STK32B: variants seen among roughly 807,000 people sequenced by gnomAD.
STK32B encodes the protein serine/threonine kinase 32B, also known as serine/threonine-protein kinase 32B.
STK32B carries 43 observed loss-of-function variants against 52.6 expected under a neutral mutation model. The ratio of observed to expected loss-of-function variants is 0.82; its 90% CI spans 0.64 to 1.05. The LOEUF is 1.05. STK32B is among the 50% of genes least tolerant of loss of function. The pLI, the probability that STK32B is intolerant of heterozygous loss-of-function variation, is 0.00. For missense variants in STK32B, 621 were observed against 534.6 expected (o/e 1.16, Z -1.59); for synonymous variants, 238 against 204.3 (o/e 1.17, Z -1.41).
chr4:5,029,776 G>A, the STK32B span, among the ~76,000 whole-genome samples: 1 of 152,154 alleles, frequency 6.6e-6, no homozygotes, highest in African/African-American at 2.4e-5. Flanking sequence ...CCTTCAAGTT[G>A]GTGGTCATTT....
chr4:5,420,103 G>T (rs529036014), intron 6 of STK32B, among the ~76,000 whole-genome samples: 1 of 152,244 alleles, frequency 6.6e-6, no homozygotes, highest in South Asian at 2.1e-4. Flanking sequence ...GGAAATGGAG[G>T]CTTAGGAGGT....
intron 4 of STK32B, among the ~76,000 whole-genome samples, chr4:5,390,678 G>C (rs1475182237): frequency 1.3e-5 from 2 of 152,086 alleles, no homozygotes; most frequent in African/African-American, 4.8e-5. Flanking sequence ...AAAGCAGGGA[G>C]GTGCACGGGG....
intron 6 of STK32B, chr4:5,437,842 G>C: frequency 2.2e-6 from 2 of 897,758 alleles, no homozygotes; most frequent in Non-Finnish European, 2.7e-6. Context: ...GTTCTCTCAC[G>C]TCTAAGTGCT....
At position 5,378,314 on chromosome 4, in the gene STK32B, G is replaced by A. The variant is rs576747894; in HGVS notation, c.435-19893G>A. Among the ~76,000 whole-genome samples the A allele has an allele frequency of 2.3e-4, 35 of 152,168 alleles. No homozygotes were observed. The highest frequency in any genetic ancestry group is 1.2e-4 in the Non-Finnish European group (8 of 68,032). ...CCATGGTAACGGTTTTCACACTTGAGGCTGCAGATCCATCACTTGGATCTG... is the reference window on the plus strand; with the variant it reads ...CCATGGTAACGGTTTTCACACTTGAAGCTGCAGATCCATCACTTGGATCTG... On this transcript the variant is annotated intron_variant, in intron 4 of 11. Transcript: ENST00000282908. This position sits in a 1 kb window ranked among gnomAD's most constrained non-coding sequence, Gnocchi z 4.4.
At chr4:5,178,209 C>A (rs1256382521) in intron 3 of STK32B, among the ~76,000 whole-genome samples, 4 of 152,220 alleles carry the variant, frequency 2.6e-5, no homozygotes, top group Non-Finnish European at 4.4e-5. Flanking sequence ...AACCTCAGTT[C>A]TTGATTTCTA....
At chr4:5,102,145 T>C (rs1318252393) in intron 1 of STK32B, among the ~76,000 whole-genome samples, 2 of 152,232 alleles carry the variant, frequency 1.3e-5, no homozygotes, top group African/African-American at 4.8e-5. Flanking sequence ...CATAGCCCTC[T>C]GACCTCGGGC....
At chr4:5,198,670 C>A (rs1721890019) in intron 3 of STK32B, among the ~76,000 whole-genome samples, 1 of 152,144 alleles carries the variant, frequency 6.6e-6, no homozygotes, top group African/African-American at 2.4e-5. Flanking sequence ...GTGGTGATGC[C>A]ACACTCCCTC....
intron 3 of STK32B, among the ~76,000 whole-genome samples, chr4:5,278,586 C>T (rs980789750): frequency 3.3e-5 from 5 of 152,198 alleles, no homozygotes; most frequent in African/African-American, 7.2e-5. Context: ...AAGAAATTCA[C>T]TTGCGAATTT....
At chr4:5,278,264 C>T (rs1727964957) in intron 3 of STK32B, among the ~76,000 whole-genome samples, 1 of 152,142 alleles carries the variant, frequency 6.6e-6, no homozygotes, top group Non-Finnish European at 1.5e-5. Flanking sequence ...ACTCTTCATG[C>T]ACCAGGAAGG....
chr4:5,274,145 A>T (rs1339143224), intron 3 of STK32B, among the ~76,000 whole-genome samples: 1 of 152,198 alleles, frequency 6.6e-6, no homozygotes, highest in East Asian at 1.9e-4. Context: ...TTTCAAAAAT[A>T]TATGTGGAAA....
intron 4 of STK32B, among the ~76,000 whole-genome samples, chr4:5,359,875 G>A (rs1734433401): frequency 6.6e-6 from 1 of 152,116 alleles, no homozygotes; most frequent in African/African-American, 2.4e-5. Context: ...GAGGTAATAG[G>A]GACTTATCAG....
intron 4 of STK32B, among the ~76,000 whole-genome samples, chr4:5,357,373 C>T (rs1734256823): frequency 1.3e-5 from 2 of 151,900 alleles, no homozygotes; most frequent in Non-Finnish European, 2.9e-5. Context: ...CCATGGGGCT[C>T]ACAGTTGGCC....
chr4:5,254,800 GT>G (rs1280465217), intron 3 of STK32B, among the ~76,000 whole-genome samples: 5 of 151,974 alleles, frequency 3.3e-5, no homozygotes, highest in Non-Finnish European at 5.9e-5. Flanking sequence ...CTTTGACACA[GT>G]TTTTTAGGTT....
At chr4:5,127,885 T>C (rs139178455) in intron 1 of STK32B, among the ~76,000 whole-genome samples, 24 of 151,878 alleles carry the variant, frequency 1.6e-4, no homozygotes, top group Admixed American at 1.5e-3. Flanking sequence ...AGTAAATAAG[T>C]CTCACGAGAT....
chr4:5,184,695 A>AG (rs1553846540), intron 3 of STK32B, among the ~76,000 whole-genome samples: 17 of 137,560 alleles, frequency 1.2e-4, no homozygotes, highest in Non-Finnish European at 3.1e-5. Flanking sequence ...AAAAAAAAAA[A>AG]AAGAAGAAGA....
intron 11 of STK32B, among the ~76,000 whole-genome samples, chr4:5,497,881 G>A (rs1230323645): frequency 1.3e-5 from 2 of 152,088 alleles, no homozygotes; most frequent in South Asian, 2.1e-4. Flanking sequence ...AACCTGCTCT[G>A]CACTCTGTTG....
intron 6 of STK32B, chr4:5,426,772 T>C (rs1713146227): frequency 6.7e-6 from 1 of 148,526 alleles, no homozygotes; most frequent in Non-Finnish European, 1.5e-5. Flanking sequence ...TTTTAAAATA[T>C]ATCCTGGATA....
At chr4:5,392,213 T>A (rs1736632507) in intron 4 of STK32B, among the ~76,000 whole-genome samples, 1 of 152,158 alleles carries the variant, frequency 6.6e-6, no homozygotes, top group Non-Finnish European at 1.5e-5. Flanking sequence ...GGCGGGTGGA[T>A]CACTTGAGGT....
In STK32B at chr4:5,172,163, C is replaced by G. The variant is rs371731739; in HGVS notation, c.260+3713C>G. On this transcript the variant is annotated intron_variant, in intron 3 of 11. Coordinates refer to ENST00000282908, the MANE Select transcript of STK32B (RefSeq NM_018401.3). ...TGATTTTTGTACATTGATTTTGTAT[C>G]CTGAGACTTTGCTGAAGTTGCTTAT... Among the ~76,000 whole-genome samples the G allele has an allele frequency of 2.2e-3, 331 of 152,124 alleles. 7 individuals carry two copies. In the East Asian group the frequency reaches 0.053, roughly 24 times the overall value.
Sources: allele counts gnomAD v4.1 joint callset (sites outside exome capture counted in the v4.1 genomes callset), GRCh38; gene constraint gnomAD v4.1.1; non-coding constraint Gnocchi (gnomAD v3.1); transcripts MANE v1.5; gene names NCBI Gene and HGNC (gene_info 2026-07-23, HGNC 2026-07-21).